The following CACNA1D variants were observed in gnomAD, a reference collection of about 807,000 sequenced individuals.
CACNA1D encodes the protein calcium voltage-gated channel subunit alpha1 D.
A neutral mutation model predicts 257.1 loss-of-function variants in CACNA1D; 55 were observed. The ratio of observed to expected loss-of-function variants is 0.21; its 90% CI spans 0.17 to 0.27. The LOEUF is 0.27. Ranked by LOEUF, CACNA1D falls within the 10% of genes least tolerant of loss-of-function variation. CACNA1D has a pLI of 1.00. For synonymous variants in CACNA1D, 980 were observed against 1,014.9 expected (o/e 0.97, Z 0.65); for missense variants, 1,876 against 2,784.0 (o/e 0.67, Z 7.34).
Position 53,789,228 on chromosome 3 carries a change from C to T in CACNA1D, c.4923+2276C>T, listed in dbSNP as rs575819065. Among the ~76,000 whole-genome samples, 13 of 152,188 alleles carry T rather than the reference C, an allele frequency of 8.5e-5. No individual in the cohort carries two copies. Among genetic ancestry groups the T allele is most frequent in the Non-Finnish European group, 1.9e-4 (13 of 68,040 alleles). ...ATACCAACATATTTTCGCATGGCTCCATTGGGAGCTGAAGCATCGTCTGTA... is the reference window on the plus strand; with the variant it reads ...ATACCAACATATTTTCGCATGGCTCTATTGGGAGCTGAAGCATCGTCTGTA... On this transcript the variant is annotated intron_variant, in intron 40 of 47. Transcript: ENST00000350061. The surrounding 1 kb of genome is among the most constrained non-coding windows in gnomAD (Gnocchi z 4.2).
rs1160637996 is a variant in CACNA1D at position 53,800,579 on chromosome 3, C to T, written c.5040+214C>T. 1.6e-6 allele frequency: 1 copy of T among 617,650 alleles called. No individual in the cohort carries two copies. The highest frequency in any genetic ancestry group is 3.0e-6 in the Non-Finnish European group (1 of 338,784). 38.3% of individuals were successfully genotyped at this position (617,650 alleles called of 1,614,324 possible). On this transcript the variant is annotated intron_variant, in intron 41 of 47. Coordinates refer to ENST00000350061, the MANE Select transcript of CACNA1D (RefSeq NM_001128840.3). This position sits in a 1 kb window ranked among gnomAD's most constrained non-coding sequence, Gnocchi z 4.3. ...CAGGCCAGCTCTTTCCCTGAGCTTA[C>T]CCAGCTTCCCCTCACTGCCTGCTTC...
intron 3 of CACNA1D, among the ~76,000 whole-genome samples, chr3:53,640,966 A>G (rs1343385629): frequency 6.6e-6 from 1 of 151,364 alleles, no homozygotes; most frequent in Non-Finnish European, 1.5e-5. Context: ...CTCAGAGGAA[A>G]TGAAACTCCT....
chr3:53,580,472 G>T (rs1234143659), intron 3 of CACNA1D, among the ~76,000 whole-genome samples: 1 of 152,210 alleles, frequency 6.6e-6, no homozygotes, highest in Non-Finnish European at 1.5e-5. Flanking sequence ...CAAGTATCTT[G>T]CCTTGTGCAC....
chr3:53,614,108 A>G (rs868357598), intron 3 of CACNA1D, among the ~76,000 whole-genome samples: 7 of 141,698 alleles, frequency 4.9e-5, no homozygotes, highest in South Asian at 2.2e-4. Flanking sequence ...CCTAGGCAAC[A>G]TAGTGAAGCC....
chr3:53,758,477 C>T (rs1469600026), intron 29 of CACNA1D, among the ~76,000 whole-genome samples: 4 of 152,176 alleles, frequency 2.6e-5, no homozygotes, highest in African/African-American at 9.7e-5. Flanking sequence ...TGTGCAACGC[C>T]TGTGCCATAT....
intron 28 of CACNA1D, among the ~76,000 whole-genome samples, chr3:53,752,407 GC>G (rs1269017656): frequency 7.2e-5 from 11 of 151,958 alleles, no homozygotes; most frequent in African/African-American, 2.7e-4. Flanking sequence ...TTTATTTTTT[GC>G]CTTTTGTTTT....
chr3:53,569,629 G>A (rs967248945), intron 3 of CACNA1D, among the ~76,000 whole-genome samples: 2 of 152,148 alleles, frequency 1.3e-5, no homozygotes, highest in East Asian at 1.9e-4. Context: ...TCTTTGTCTT[G>A]GAACTCTTAC....
At chr3:53,568,467 C>A (rs542366762) in intron 3 of CACNA1D, among the ~76,000 whole-genome samples, 2 of 152,322 alleles carry the variant, frequency 1.3e-5, no homozygotes, top group East Asian at 1.9e-4. Flanking sequence ...CAGGAGAGAA[C>A]TTCTCAAAAG....
rs1233070145 is a variant in CACNA1D at position 53,732,970 on chromosome 3, C to T, written c.2621+8C>T. 6.2e-7 allele frequency: 1 copy of T among 1,613,696 alleles called. No individual in the cohort carries two copies. The highest frequency in any genetic ancestry group is 1.3e-5 in the African/African-American group (1 of 74,906). The stretch of plus-strand genomic sequence containing the variant: ...TCTTAGCAAGACCAACCCGTAAATA[C>T]TCCCCTTCTAGTCTCTCACGGCTGC... On this transcript the variant is annotated splice_region_variant and intron_variant, in intron 19 of 47. Coordinates refer to ENST00000350061, the MANE Select transcript of CACNA1D (RefSeq NM_001128840.3).
intron 3 of CACNA1D, among the ~76,000 whole-genome samples, chr3:53,530,029 TG>T (rs1187034344): frequency 6.6e-6 from 1 of 152,244 alleles, no homozygotes; most frequent in Non-Finnish European, 1.5e-5. Context: ...CAGATAAGAA[TG>T]TTTTTTTAAT....
chr3:53,552,431 A>C (rs2092553584), intron 3 of CACNA1D, among the ~76,000 whole-genome samples: 1 of 151,922 alleles, frequency 6.6e-6, no homozygotes, highest in African/African-American at 2.4e-5. Context: ...CCCAGGCTGG[A>C]CTGCAATTGC....
rs1378780138 is a variant in CACNA1D at position 53,770,473 on chromosome 3, G to A, written c.3965G>A (p.Arg1322Gln). 6.2e-7 allele frequency: 1 copy of A among 1,613,472 alleles called. No homozygotes were observed. The highest frequency in any genetic ancestry group is 8.5e-7 in the Non-Finnish European group (1 of 1,179,472). The change falls in exon 32 of 48, where the codon CGA becomes CAA. Residue 1322 changes from arginine to glutamine, a missense_variant. Coordinates refer to ENST00000350061, the MANE Select transcript of CACNA1D (RefSeq NM_001128840.3). ...RISITFFRLFRVMRLVKLLSR... is the reference protein window; with the variant it reads ...RISITFFRLFQVMRLVKLLSR... ...TCCATCACCTTTTTCCGTCTTTTCC[G>A]AGTGATGCGATTGGTGAAGCTTCTC... is the stretch of plus-strand genomic sequence containing the variant.
intron 3 of CACNA1D, among the ~76,000 whole-genome samples, chr3:53,584,371 C>T (rs751955758): frequency 6.6e-6 from 1 of 152,168 alleles, no homozygotes; most frequent in Non-Finnish European, 1.5e-5. Context: ...GGGCTGGGGT[C>T]AGAGGTGGTT....
chr3:53,691,868 TATATTA>T (rs2094529542), intron 8 of CACNA1D, among the ~76,000 whole-genome samples: 1 of 108,806 alleles, frequency 9.2e-6, no homozygotes, highest in African/African-American at 3.4e-5. Context: ...ATATATTATA[TATATTA>T]CATATAATAT....
chr3:53,610,349 A>G (rs1293055430), intron 3 of CACNA1D, among the ~76,000 whole-genome samples: 2 of 152,278 alleles, frequency 1.3e-5, no homozygotes, highest in East Asian at 1.9e-4. Context: ...GAAGTTCCCA[A>G]CTATACTTGT....
At chr3:53,679,471 A>G (rs1432902356) in intron 8 of CACNA1D, 1 of 152,038 alleles carries the variant, frequency 6.6e-6, no homozygotes, top group South Asian at 2.1e-4. Flanking sequence ...TAGCCAGGAT[A>G]TCGGCATGAT....
rs372904919 is a variant in CACNA1D, at chr3:53,626,160, C to T, written c.484-24619C>T. Among the ~76,000 whole-genome samples, 95 of 152,326 alleles carry T rather than the reference C, an allele frequency of 6.2e-4. No individual in the cohort carries two copies. In the South Asian group the frequency reaches 0.012, roughly 19 times the overall value. The stretch of plus-strand genomic sequence containing the variant: ...GGACCCCTCAGAGGTGATTCCGATT[C>T]TGGACTCCCACTGGTGTAGTGTGGC... On this transcript the variant is annotated intron_variant, in intron 3 of 47. Coordinates refer to ENST00000350061, the MANE Select transcript of CACNA1D (RefSeq NM_001128840.3).
intron 9 of CACNA1D, among the ~76,000 whole-genome samples, chr3:53,717,409 G>A (rs1565191): frequency 0.18 from 27,521 of 152,102 alleles, 3,182 homozygotes; most frequent in East Asian, 0.53. Flanking sequence ...GCTCCAGCAC[G>A]TGTTCGTGAT....
chr3:53,550,879 A>G (rs1181053914), intron 3 of CACNA1D, among the ~76,000 whole-genome samples: 5 of 152,190 alleles, frequency 3.3e-5, no homozygotes, highest in African/African-American at 1.2e-4. Context: ...TAACTTGGGG[A>G]TGGAAATATG....
Sources: allele counts gnomAD v4.1 joint callset (sites outside exome capture counted in the v4.1 genomes callset), GRCh38; gene constraint gnomAD v4.1.1; non-coding constraint Gnocchi (gnomAD v3.1); transcripts MANE v1.5; gene names NCBI Gene and HGNC (gene_info 2026-07-23, HGNC 2026-07-21).